Variants in DAB1 observed in about 807,000 individuals in gnomAD.
The protein encoded by DAB1 is disabled homolog 1.
In DAB1, 15 loss-of-function variants were observed where a neutral mutation model predicts 64.6. The ratio of observed to expected loss-of-function variants is 0.23; its 90% confidence interval spans 0.16 to 0.36. The LOEUF (loss-of-function observed/expected upper bound fraction) is 0.36. Ranked by LOEUF, DAB1 falls within the 10% of genes least tolerant of loss-of-function variation. The pLI, the probability that DAB1 is intolerant of heterozygous loss-of-function variation, is 1.00. For synonymous variants in DAB1, 235 were observed against 251.9 expected, an observed-to-expected ratio of 0.93 and a Z score of 0.64; for missense variants, 596 against 706.7, an observed-to-expected ratio of 0.84 and a Z score of 1.78.
intron 5 of DAB1, among the ~76,000 whole-genome samples, chr1:57,939,246 A>G (rs1319899134): frequency 2.0e-5 from 3 of 152,088 alleles, no homozygotes; most frequent in Non-Finnish European, 4.4e-5. Flanking sequence ...GAGGGCACTA[A>G]TCCCATTTGT....
At chr1:57,114,686 A>G (rs1050399581) in intron 4 of DAB1, among the ~76,000 whole-genome samples, 2 of 152,208 alleles carry the variant, frequency 1.3e-5, no homozygotes, top group Admixed American at 6.5e-5. Context: ...AGTTTCACTC[A>G]GATATTTTAC....
At chr1:57,814,957 T>C (rs1205547553) in intron 6 of DAB1, among the ~76,000 whole-genome samples, 1 of 152,236 alleles carries the variant, frequency 6.6e-6, no homozygotes, top group Non-Finnish European at 1.5e-5. Flanking sequence ...TACGATGCTG[T>C]AGCAGGGGTT....
chr1:57,049,662 T>C (rs546459089), intron 9 of DAB1, among the ~76,000 whole-genome samples: 1 of 152,084 alleles, frequency 6.6e-6, no homozygotes, highest in African/African-American at 2.4e-5. Flanking sequence ...TCATCTGCAA[T>C]GCCTGCCCCT....
At chr1:57,337,901 C>T (rs1677223358) in intron 1 of DAB1, among the ~76,000 whole-genome samples, 1 of 127,742 alleles carries the variant, frequency 7.8e-6, no homozygotes, top group Admixed American at 8.0e-5. Context: ...CCTTCCCTTC[C>T]CTTCCCTCCT....
At chr1:57,508,030 G>A (rs947645431) in intron 7 of DAB1, among the ~76,000 whole-genome samples, 4 of 152,214 alleles carry the variant, frequency 2.6e-5, no homozygotes, top group African/African-American at 9.6e-5. Context: ...ATGACTATGT[G>A]TTTTTAACCA....
intron 3 of DAB1, among the ~76,000 whole-genome samples, chr1:58,372,503 A>G (rs1644274061): frequency 6.6e-6 from 1 of 152,170 alleles, no homozygotes; most frequent in Admixed American, 6.5e-5. Context: ...CTTCTGAGTT[A>G]CTGCTGGAAT....
At chr1:58,398,013 G>A (rs1449307057) in intron 3 of DAB1, among the ~76,000 whole-genome samples, 3 of 151,992 alleles carry the variant, frequency 2.0e-5, no homozygotes, top group Non-Finnish European at 4.4e-5. Context: ...TTTCCTTCAG[G>A]TCACTACCAT....
chr1:58,394,295 C>G (rs761989928), intron 3 of DAB1, among the ~76,000 whole-genome samples: 14 of 152,178 alleles, frequency 9.2e-5, no homozygotes, highest in Non-Finnish European at 1.5e-4. Flanking sequence ...ACTTTGGAAG[C>G]TATTTGTCAG....
At chr1:58,013,465 A>C (rs2802898) in intron 5 of DAB1, among the ~76,000 whole-genome samples, 91,664 of 143,810 alleles carry the variant, frequency 0.64, 28,744 homozygotes, top group East Asian at 0.98. Context: ...ACATGCTCCA[A>C]AAAAAGAGAA....
intron 6 of DAB1, among the ~76,000 whole-genome samples, chr1:57,708,344 C>T (rs538702923): frequency 3.3e-4 from 50 of 152,276 alleles, no homozygotes; most frequent in Middle Eastern, 6.8e-3. Flanking sequence ...AGTTGTAAGA[C>T]GTCGTTCTCT....
chr1:58,289,407 A>G (rs896646775), intron 4 of DAB1, among the ~76,000 whole-genome samples: 3 of 152,316 alleles, frequency 2.0e-5, no homozygotes, highest in Admixed American at 6.5e-5. Flanking sequence ...TGGAACCTCA[A>G]TGTTTTGGTT....
At chr1:58,535,710 A>G (rs1646506248) in intron 1 of DAB1, among the ~76,000 whole-genome samples, 1 of 152,108 alleles carries the variant, frequency 6.6e-6, no homozygotes, top group East Asian at 1.9e-4. Flanking sequence ...TGTATGTGCT[A>G]TGAACTGGAG....
chr1:57,498,672 C>T (rs1381220750), intron 7 of DAB1, among the ~76,000 whole-genome samples: 7 of 152,134 alleles, frequency 4.6e-5, no homozygotes, highest in Non-Finnish European at 5.9e-5. Flanking sequence ...CAGAATAACA[C>T]GATTTGTAAT....
rs535399562 is a variant in DAB1 at position 57,079,653 on chromosome 1, TG to T, written c.307-7240del. Among the ~76,000 whole-genome samples the T allele has an allele frequency of 1.8e-4, 27 of 152,294 alleles. No homozygotes were observed. In the East Asian group the frequency reaches 4.8e-3, roughly 27 times the overall value. On this transcript the variant is annotated intron_variant, in intron 4 of 14. Coordinates refer to ENST00000371236, the MANE Select transcript of DAB1 (RefSeq NM_001365792.1). The stretch of plus-strand genomic sequence containing the variant: ...CCTGTAGGACCTGGCTGCTTCCCCA[TG>T]CTGACTCACTACAGGCCCCCTTGTT...
chr1:58,508,323 A>G (rs1250370139), intron 2 of DAB1, among the ~76,000 whole-genome samples: 2 of 152,206 alleles, frequency 1.3e-5, no homozygotes, highest in Admixed American at 6.5e-5. Flanking sequence ...AAAATAAGTA[A>G]CAGGTTGACA....
chr1:57,190,036 A>G (rs1021075200), intron 2 of DAB1, among the ~76,000 whole-genome samples: 1 of 152,160 alleles, frequency 6.6e-6, no homozygotes, highest in African/African-American at 2.4e-5. Context: ...TCTGGGAACA[A>G]GAGCAGGGCC....
intron 5 of DAB1, among the ~76,000 whole-genome samples, chr1:58,070,467 A>AGGTGGAT (rs1236044281): frequency 1.3e-5 from 2 of 152,250 alleles, no homozygotes. Flanking sequence ...TGGATGAGCC[A>AGGTGGAT]GACACCTGGG....
intron 4 of DAB1, among the ~76,000 whole-genome samples, chr1:58,234,253 T>G (rs1659912234): frequency 6.6e-6 from 1 of 152,156 alleles, no homozygotes; most frequent in Non-Finnish European, 1.5e-5. Flanking sequence ...AGCAAATATC[T>G]ATCGATTATT....
intron 2 of DAB1, among the ~76,000 whole-genome samples, chr1:57,149,972 G>A (rs1323198772): frequency 1.3e-5 from 2 of 152,170 alleles, no homozygotes; most frequent in East Asian, 3.9e-4. Context: ...AGCCCAAGAG[G>A]TAACTAAAGT....
Sources: allele counts gnomAD v4.1 joint callset (sites outside exome capture counted in the v4.1 genomes callset), GRCh38; gene constraint gnomAD v4.1.1; transcripts MANE v1.5; gene names NCBI Gene and HGNC (gene_info 2026-07-23, HGNC 2026-07-21).